PANK2: variants seen among roughly 807,000 people sequenced by gnomAD.
PANK2 encodes the protein pantothenate kinase 2, mitochondrial.
A neutral mutation model predicts 43.1 loss-of-function variants in PANK2; 36 were observed. The ratio of observed to expected loss-of-function variants is 0.84; its 90% CI spans 0.64 to 1.10. The LOEUF is 1.10. Ranked by LOEUF, PANK2 falls within the 50% of genes least tolerant of loss-of-function variation. The pLI is 0.00. For missense variants in PANK2, 576 were observed against 593.3 expected (o/e 0.97, Z 0.30); for synonymous variants, 281 against 238.2 (o/e 1.18, Z -1.66).
At chr20:3,897,398 T>C (rs1198734061) in intron 1 of PANK2, among the ~76,000 whole-genome samples, 2 of 152,164 alleles carry the variant, frequency 1.3e-5, no homozygotes, top group African/African-American at 4.8e-5. Context: ...GGCAGGGGCC[T>C]TCTCTTATCA....
intron 5 of PANK2, among the ~76,000 whole-genome samples, chr20:3,917,760 T>TA (rs892000168): frequency 2.2e-4 from 33 of 152,190 alleles, no homozygotes; most frequent in Non-Finnish European, 4.4e-4. Context: ...CATTTTAAAT[T>TA]AAAAAAATAC....
rs2090684760 is a variant in PANK2 at position 3,923,880 on chromosome 20, C to G, written c.*586C>G. On this transcript the variant is annotated 3_prime_UTR_variant, in exon 7 of 7. Transcript: ENST00000610179. ...AGTTCCACGTTACTTTACACTAAAT[C>G]CTGGGAATGAATGTCTGGAGAGACA... 1.3e-5 allele frequency: 2 copies of G among 155,610 alleles called. No individual in the cohort carries two copies. Among genetic ancestry groups the G allele is most frequent in the Non-Finnish European group, 2.9e-5 (2 of 70,154 alleles). The allele number at this position is 155,610 out of a possible 1,614,324, so 9.6% of individuals were successfully genotyped here.
At chr20:3,903,631 A>ATTT (rs534545148) in intron 1 of PANK2, among the ~76,000 whole-genome samples, 1 of 133,498 alleles carries the variant, frequency 7.5e-6, no homozygotes, top group Non-Finnish European at 1.6e-5. Context: ...CGCCCAGCTA[A>ATTT]TTTTTTTTTT....
At chr20:3,906,118 C>G (rs2090383232) in intron 1 of PANK2, among the ~76,000 whole-genome samples, 1 of 151,902 alleles carries the variant, frequency 6.6e-6, no homozygotes, top group Admixed American at 6.6e-5. Context: ...ATAAACCCAT[C>G]AGAAGTTCAA....
upstream of PANK2, chr20:3,889,165 G>A: frequency 6.2e-7 from 1 of 1,601,594 alleles, no homozygotes; most frequent in Non-Finnish European, 8.5e-7. Flanking sequence ...CTCTCTTCTG[G>A]GCTACACCGC....
At chr20:3,897,898 G>A (rs1054590649) in intron 1 of PANK2, among the ~76,000 whole-genome samples, 1 of 152,030 alleles carries the variant, frequency 6.6e-6, no homozygotes, top group African/African-American at 2.4e-5. Flanking sequence ...CCAGCTACTC[G>A]GGAGGCTGAG....
At chr20:3,912,761 C>T in intron 4 of PANK2, 127 bp downstream of exon 4, 2 of 992,110 alleles carry the variant, frequency 2.0e-6, no homozygotes, top group Non-Finnish European at 3.0e-6. Flanking sequence ...ACCAGCCTGG[C>T]CAACATAGTG....
intron 3 of PANK2, 59 bp downstream of exon 3, chr20:3,910,889 G>C (rs1034071246): frequency 1.3e-5 from 21 of 1,591,094 alleles, no homozygotes; most frequent in Admixed American, 1.7e-5. Context: ...TGAGTTTTCA[G>C]GTATTACATG....
In PANK2 at chr20:3,918,655, T is replaced by C; in HGVS notation, c.1207-16T>C. 1 of 1,614,156 alleles carries C rather than the reference T, an allele frequency of 6.2e-7. No homozygotes were observed. The highest frequency in any genetic ancestry group is 8.5e-7 in the Non-Finnish European group (1 of 1,179,998). Reference sequence around the variant, plus strand: ...AATTAAGATGAAAACTAATTGCCTTTTTTTGGTGTGCTCAGAACATTAACC... The same window carrying C: ...AATTAAGATGAAAACTAATTGCCTTCTTTTGGTGTGCTCAGAACATTAACC... On this transcript the variant is annotated splice_polypyrimidine_tract_variant and intron_variant, in intron 5 of 6. Coordinates refer to ENST00000610179, the MANE Select transcript of PANK2 (RefSeq NM_001386393.1).
At chr20:3,919,372 T>C (rs546691372) in intron 6 of PANK2, among the ~76,000 whole-genome samples, 2 of 152,326 alleles carry the variant, frequency 1.3e-5, no homozygotes, top group Admixed American at 1.3e-4. Flanking sequence ...GTCTGAACTA[T>C]CCTCTATATT....
chr20:3,917,889 C>T (rs1019177702), intron 5 of PANK2, among the ~76,000 whole-genome samples: 3 of 152,120 alleles, frequency 2.0e-5, no homozygotes, highest in African/African-American at 7.2e-5. Flanking sequence ...GTGCATACCA[C>T]AATTTGTATT....
chr20:3,909,396 T>C (rs2090434921), intron 2 of PANK2, among the ~76,000 whole-genome samples: 2 of 151,880 alleles, frequency 1.3e-5, no homozygotes, highest in African/African-American at 2.4e-5. Context: ...CTGCCTGTTA[T>C]TCTGCATGTC....
At chr20:3,913,934 G>A (rs190670281) in intron 4 of PANK2, among the ~76,000 whole-genome samples, 1 of 151,824 alleles carries the variant, frequency 6.6e-6, no homozygotes, top group Admixed American at 6.6e-5. Flanking sequence ...GACTACAGGT[G>A]CCTGCCACCA....
At chr20:3,912,757 C>T in intron 4 of PANK2, 123 bp downstream of exon 4, 5 of 1,047,480 alleles carry the variant, frequency 4.8e-6, no homozygotes, top group Non-Finnish European at 7.0e-6. Context: ...TGAGACCAGC[C>T]TGGCCAACAT....
At position 3,925,126 on chromosome 20, in the gene PANK2, G is replaced by T. The variant is rs936474195; in HGVS notation, c.*1832G>T. 6.6e-6 allele frequency: 1 copy of T among 152,670 alleles called. No individual in the cohort carries two copies. Among genetic ancestry groups the T allele is most frequent in the African/African-American group, 2.4e-5 (1 of 41,462 alleles). The allele number at this position is 152,670 out of a possible 1,614,324, so 9.5% of individuals were successfully genotyped here. On this transcript the variant is annotated 3_prime_UTR_variant, in exon 7 of 7. Transcript: ENST00000610179. ...GTGCCTGAGTTGGGAAGACGCTGTT[G>T]ATGTCCCCTTCTGCCTCGCTTTGAG... is the stretch of plus-strand genomic sequence containing the variant.
chr20:3,917,309 T>C (rs1568582653), intron 5 of PANK2, among the ~76,000 whole-genome samples: 1 of 152,098 alleles, frequency 6.6e-6, no homozygotes, highest in Non-Finnish European at 1.5e-5. Flanking sequence ...AGGTAGCCAG[T>C]GTTCCAGATA....
chr20:3,918,061 TAGG>T (rs767933083), intron 5 of PANK2, among the ~76,000 whole-genome samples: 1 of 152,244 alleles, frequency 6.6e-6, no homozygotes, highest in African/African-American at 2.4e-5. Flanking sequence ...ATATGGGGCT[TAGG>T]AGTGAGATTT....
At position 3,908,034 on chromosome 20, in the gene PANK2, A is replaced by G; in HGVS notation, c.407A>G (p.Lys136Arg). Residue 136 changes from lysine (K) to arginine (R), a missense_variant, in exon 2 of 7, where the codon AAA (lysine) becomes AGA (arginine). By Grantham distance (26) the Lys-to-Arg change is conservative (BLOSUM62 2). Coordinates refer to ENST00000610179, the MANE Select transcript of PANK2 (RefSeq NM_001386393.1). ...GAAGAGGAAGAAGTGGAAAGTCTTAAAAGCATTCGGAAGTACCTGACCTCC... is the reference window on the plus strand; with the variant it reads ...GAAGAGGAAGAAGTGGAAAGTCTTAGAAGCATTCGGAAGTACCTGACCTCC... 1 of 1,614,158 alleles carries G rather than the reference A, an allele frequency of 6.2e-7. No individual in the cohort carries two copies. Among genetic ancestry groups the G allele is most frequent in the Non-Finnish European group, 8.5e-7 (1 of 1,180,004 alleles).
rs1194885027 is a variant in PANK2 at position 3,908,287 on chromosome 20, T to C, written c.651+9T>C. On this transcript the variant is annotated intron_variant, in intron 2 of 6. Transcript: ENST00000610179. ...AGCAGGATTTTCTCACAGTATGCAT[T>C]TTTTAGCTTATATACAATTTATGGT... 1 of 1,580,446 alleles carries C rather than the reference T, an allele frequency of 6.3e-7. No individual in the cohort carries two copies. Among genetic ancestry groups the C allele is most frequent in the East Asian group, 2.2e-5 (1 of 44,748 alleles).
Sources: gnomAD v4.1 joint callset for allele counts (sites outside exome capture counted in the v4.1 genomes callset) on GRCh38, gnomAD v4.1.1 for gene constraint, MANE v1.5 for transcripts, NCBI Gene and HGNC (gene_info 2026-07-23, HGNC 2026-07-21) for gene names.